Variants in NEXMIF observed in about 807,000 individuals in gnomAD.
NEXMIF encodes XLMR protein related to neurite extension.
In NEXMIF, 8 loss-of-function variants were observed where a neutral mutation model predicts 62.1. The observed-to-expected ratio is 0.13, with a 90% CI of 0.08 to 0.23. The LOEUF is 0.23. NEXMIF is among the 10% of genes least tolerant of loss of function. The pLI is 1.00. For synonymous variants in NEXMIF, 404 were observed against 416.6 expected (o/e 0.97, Z 0.37); for missense variants, 976 against 1,113.3 (o/e 0.88, Z 1.75).
rs1389369001 is a variant in NEXMIF, at chrX:74,741,614, C to T, written c.2943G>A (p.Gly981=). 2 of 1,211,324 alleles carry T rather than the reference C, an allele frequency of 1.7e-6. No homozygotes were observed. Among genetic ancestry groups the T allele is most frequent in the South Asian group, 3.5e-5 (2 of 56,961 alleles). Residue 981 remains glycine (G), a synonymous_variant, in exon 3 of 4, where the codon GGG becomes GGA. Transcript: ENST00000055682. ...GCCGACCATCATCCATATTGACTGG[C>T]CCCTGCTGGAAAGGAAAGCAGATCT... The part of the protein sequence containing the change: ...NGEICFPFQQ[G]PVNMDDGRLF...
At chrX:74,764,129 T>C (rs1160671463) in intron 1 of NEXMIF, among the ~76,000 whole-genome samples, 1 of 111,792 alleles carries the variant, frequency 8.9e-6, no homozygotes, top group Non-Finnish European at 1.9e-5. Context: ...CTTATTATTT[T>C]GAGATATGTC....
intron 1 of NEXMIF, among the ~76,000 whole-genome samples, chrX:74,778,238 C>T (rs2080234528): frequency 8.9e-6 from 1 of 111,839 alleles, no homozygotes; most frequent in African/African-American, 3.3e-5. Context: ...CCTGATTCCT[C>T]TTATAAATAT....
chrX:74,888,884 G>C (rs2080707416), intron 1 of NEXMIF, among the ~76,000 whole-genome samples: 1 of 111,243 alleles, frequency 9.0e-6, no homozygotes, highest in Non-Finnish European at 1.9e-5. Flanking sequence ...TCAAAAAGTA[G>C]CAGGAAAAAA....
At chrX:74,772,428 C>T (rs1489385982) in intron 1 of NEXMIF, among the ~76,000 whole-genome samples, 1 of 112,197 alleles carries the variant, frequency 8.9e-6, no homozygotes, top group African/African-American at 3.2e-5. Flanking sequence ...CTCAAAACAG[C>T]CTGAAGTGGA....
intron 1 of NEXMIF, among the ~76,000 whole-genome samples, chrX:74,808,005 C>T (rs1290364200): frequency 2.7e-5 from 3 of 111,820 alleles, no homozygotes; most frequent in African/African-American, 6.5e-5. Flanking sequence ...CTGTCAAATG[C>T]TTTTTCTGCA....
chrX:74,791,103 G>A (rs1175709514), intron 1 of NEXMIF, among the ~76,000 whole-genome samples: 2 of 110,216 alleles, frequency 1.8e-5, no homozygotes, highest in Non-Finnish European at 3.8e-5. Flanking sequence ...GTATGATATT[G>A]GCTGTGGGTT....
intron 1 of NEXMIF, among the ~76,000 whole-genome samples, chrX:74,787,578 C>A (rs1030519412): frequency 1.8e-5 from 2 of 111,936 alleles, no homozygotes; most frequent in African/African-American, 6.5e-5. Context: ...TGCCTTCAAG[C>A]CTTACTTCTT....
At chrX:74,882,224 G>A (rs139841658) in intron 1 of NEXMIF, among the ~76,000 whole-genome samples, 2,281 of 112,128 alleles carry the variant, frequency 0.02, 28 homozygotes, top group Non-Finnish European at 0.034. Flanking sequence ...CGTGAGCGAC[G>A]CAGAAGATGG....
intron 1 of NEXMIF, among the ~76,000 whole-genome samples, chrX:74,843,622 G>C (rs768198766): frequency 4.5e-5 from 5 of 110,948 alleles, no homozygotes; most frequent in Non-Finnish European, 9.4e-5. Context: ...CACCATGTTA[G>C]GGAGGATGGT....
At chrX:74,762,180 T>C (rs193195065) in intron 1 of NEXMIF, among the ~76,000 whole-genome samples, 1,233 of 99,085 alleles carry the variant, frequency 0.012, 23 homozygotes, top group African/African-American at 0.044. Context: ...AGTGTTCTCA[T>C]TGTTCAATTC....
intron 1 of NEXMIF, among the ~76,000 whole-genome samples, chrX:74,841,274 G>A (rs1301398273): frequency 9.0e-6 from 1 of 110,888 alleles, no homozygotes; most frequent in East Asian, 2.8e-4. Context: ...TTTGGCTCTC[G>A]GTCTGGCTGT....
At chrX:74,857,277 G>A (rs1362667251) in intron 1 of NEXMIF, among the ~76,000 whole-genome samples, 1 of 112,284 alleles carries the variant, frequency 8.9e-6, no homozygotes, top group African/African-American at 3.2e-5. Flanking sequence ...CAGGAGAGGA[G>A]AGGGAAGAGT....
intron 1 of NEXMIF, among the ~76,000 whole-genome samples, chrX:74,758,948 G>C (rs2080167715): frequency 8.9e-6 from 1 of 111,994 alleles, no homozygotes; most frequent in Non-Finnish European, 1.9e-5. Flanking sequence ...TGAATGGTAG[G>C]TCTGTTTTTA....
chrX:74,813,182 A>C (rs1323107216), intron 1 of NEXMIF, among the ~76,000 whole-genome samples: 1 of 111,887 alleles, frequency 8.9e-6, no homozygotes, highest in Non-Finnish European at 1.9e-5. Flanking sequence ...TAGATGGCAT[A>C]GCCTTAATTA....
chrX:74,791,674 A>C (rs907940034), intron 1 of NEXMIF, among the ~76,000 whole-genome samples: 3 of 110,466 alleles, frequency 2.7e-5, no homozygotes, highest in Non-Finnish European at 3.8e-5. Flanking sequence ...TGGTCTATTC[A>C]GAGATTCAAC....
chrX:74,840,411 C>T (rs762501305), intron 1 of NEXMIF, among the ~76,000 whole-genome samples: 3 of 111,486 alleles, frequency 2.7e-5, no homozygotes, highest in South Asian at 3.8e-4. Flanking sequence ...TCCCATGCTC[C>T]GCTGGGATGC....
intron 1 of NEXMIF, 23 bp from the exon 2 acceptor site, chrX:74,745,720 A>G (rs2080124250): frequency 1.5e-6 from 1 of 662,304 alleles, no homozygotes; most frequent in African/African-American, 2.1e-5. Context: ...AATATATAAT[A>G]TCAGTCATTA....
rs753552591 is a variant in NEXMIF, at chrX:74,801,024, C to T, written c.-47-55327G>A. Among the ~76,000 whole-genome samples the T allele has an allele frequency of 9.0e-5, 10 of 111,321 alleles. No individual in the cohort carries two copies. In the East Asian group the frequency reaches 2.8e-3, roughly 32 times the overall value. On this transcript the variant is annotated intron_variant, in intron 1 of 3. Coordinates refer to ENST00000055682, the MANE Select transcript of NEXMIF (RefSeq NM_001008537.3). ...TGGTAACCACTGAATTTTTTTTTGT[C>T]GCCATAGTTTTGCCTTTTCCAGAAT...
At chrX:74,867,289 C>T (rs2080583734) in intron 1 of NEXMIF, among the ~76,000 whole-genome samples, 1 of 111,673 alleles carries the variant, frequency 9.0e-6, no homozygotes, top group African/African-American at 3.3e-5. Context: ...CTTTAAAATT[C>T]GTATGGAACC....
Sources: gnomAD v4.1 joint callset for allele counts (sites outside exome capture counted in the v4.1 genomes callset) on GRCh38, gnomAD v4.1.1 for gene constraint, MANE v1.5 for transcripts, NCBI Gene and HGNC (gene_info 2026-07-23, HGNC 2026-07-21) for gene names.